CHID1: variants seen among roughly 807,000 people sequenced by gnomAD.
The protein encoded by CHID1 is chitinase domain-containing protein 1.
CHID1 carries 44 observed loss-of-function variants against 55.4 expected under a neutral mutation model. The observed-to-expected ratio is 0.79, with a 90% CI of 0.62 to 1.02. CHID1 has a LOEUF of 1.02. Among genes scored for constraint, CHID1 ranks in the 50% least tolerant of loss-of-function variants. The probability of loss-of-function intolerance (pLI) is 0.00; values close to 1 mark genes in which losing one functional copy is unlikely to be tolerated. For synonymous variants in CHID1, 216 were observed against 212.9 expected (o/e 1.01, Z -0.13); for missense variants, 491 against 515.3 (o/e 0.95, Z 0.46).
At chr11:914,604 C>A (rs375727500), upstream of CHID1, 35 of 1,283,080 alleles carry the variant, frequency 2.7e-5, no homozygotes, top group Non-Finnish European at 3.6e-5. Context: ...AGTGGTGGCT[C>A]ACGCCGTAAT....
intron 7 of CHID1, among the ~76,000 whole-genome samples, chr11:896,682 C>A (rs1851327241): frequency 2.3e-5 from 3 of 129,486 alleles, no homozygotes; most frequent in South Asian, 5.4e-4. Flanking sequence ...AGCCTCCACC[C>A]CAGACATGAG....
At chr11:886,603 G>C (rs1850415522) in intron 8 of CHID1, among the ~76,000 whole-genome samples, 1 of 152,216 alleles carries the variant, frequency 6.6e-6, no homozygotes, top group African/African-American at 2.4e-5. Context: ...CCCCATGGTG[G>C]AGTTAGTGTC....
intron 3 of CHID1, among the ~76,000 whole-genome samples, chr11:902,664 G>A (rs963203343): frequency 1.6e-5 from 2 of 121,368 alleles, no homozygotes; most frequent in Non-Finnish European, 4.0e-5. Context: ...CCCCTCCCTG[G>A]CCCAGGGTTG....
Position 883,387 on chromosome 11 carries a change from C to T in CHID1, c.804-84G>A. 2.2e-6 allele frequency: 3 copies of T among 1,347,018 alleles called. No homozygotes were observed. The South Asian group carries it at 4.0e-5, about 18-fold the overall frequency. The allele number at this position is 1,347,018 out of a possible 1,614,324, so 83.4% of individuals were successfully genotyped here. ...CATTGGGGCCCTCCACTGAGGGGTG[C>T]ATCCTCCCCATGCTGCGGCTGACAC... On this transcript the variant is annotated intron_variant, in intron 9 of 12. Coordinates refer to ENST00000323578, the MANE Select transcript of CHID1 (RefSeq NM_023947.4).
intron 8 of CHID1, among the ~76,000 whole-genome samples, chr11:889,312 T>A: frequency 6.7e-6 from 1 of 150,360 alleles, no homozygotes. Context: ...GTCCTGACAC[T>A]GGGCCCACGT....
intron 5 of CHID1, 23 bp from the exon 6 acceptor site, chr11:900,133 C>A (rs369722522): frequency 1.9e-6 from 3 of 1,584,646 alleles, no homozygotes; most frequent in East Asian, 2.2e-5. Flanking sequence ...CAGACACACA[C>A]GGGGGCCGTG....
rs755218054 is a variant in CHID1, at chr11:875,528, C to T, written c.960-5029G>A. On this transcript the variant is annotated intron_variant, in intron 10 of 12. Coordinates refer to ENST00000323578, the MANE Select transcript of CHID1 (RefSeq NM_023947.4). The surrounding 1 kb of genome is among the most constrained non-coding windows in gnomAD (Gnocchi z 4.7). ...CGGGTGTGGAGAAGACCTGGCTCCT[C>T]GTCACTGGCTATCGGAGAGCGCTGG... Among the ~76,000 whole-genome samples, 1 of 152,142 alleles carries T rather than the reference C, an allele frequency of 6.6e-6. No homozygotes were observed. Among genetic ancestry groups the T allele is most frequent in the Admixed American group, 6.6e-5 (1 of 15,264 alleles).
At chr11:883,750 A>G (rs987855115) in intron 9 of CHID1, among the ~76,000 whole-genome samples, 1 of 152,218 alleles carries the variant, frequency 6.6e-6, no homozygotes, top group Admixed American at 6.5e-5. Flanking sequence ...CGCCTGTGTC[A>G]CACGGCCCTC....
chr11:902,101 C>T (rs546900780), intron 4 of CHID1, 97 bp downstream of exon 4: 1 of 1,453,434 alleles, frequency 6.9e-7, no homozygotes, highest in African/African-American at 1.4e-5. Context: ...GAGACACCCA[C>T]AGAGACATAC....
chr11:899,178 A>G (rs1421344380), intron 7 of CHID1, among the ~76,000 whole-genome samples, 162 bp downstream of exon 7: 1 of 152,124 alleles, frequency 6.6e-6, no homozygotes, highest in East Asian at 1.9e-4. Flanking sequence ...GGCTGCTTCC[A>G]CTTCTCTGAG....
chr11:884,216 A>C lies in CHID1; in HGVS notation c.702-47T>G, dbSNP rs781567580. ...ACCTCAGGCTGCTATGCCCTGCCTGAAGCCCCTCCCCAGCTGCGGTTCGAG... is the reference window on the plus strand; with the variant it reads ...ACCTCAGGCTGCTATGCCCTGCCTGCAGCCCCTCCCCAGCTGCGGTTCGAG... On this transcript the variant is annotated intron_variant, in intron 8 of 12. Transcript: ENST00000323578. 1.8e-5 allele frequency: 27 copies of C among 1,491,334 alleles called. 1 individual carries two copies. The highest frequency in any genetic ancestry group is 6.9e-5 in the Admixed American group (4 of 58,232). 92.4% of individuals were successfully genotyped at this position (1,491,334 alleles called of 1,614,324 possible). A position where few individuals can be genotyped will look rare whatever the true frequency, so the allele number is the denominator to read the frequency against.
At chr11:890,462 C>T (rs953338961) in intron 8 of CHID1, among the ~76,000 whole-genome samples, 9 of 152,230 alleles carry the variant, frequency 5.9e-5, no homozygotes, top group Admixed American at 2.0e-4. Context: ...GTCGCGGCCC[C>T]GCCCACCTCA....
chr11:898,498 C>T (rs72847269), intron 7 of CHID1, among the ~76,000 whole-genome samples: 2,808 of 152,344 alleles, frequency 0.018, 32 homozygotes, highest in Non-Finnish European at 0.028. Flanking sequence ...TGAGAGGAGT[C>T]CACCTGTCCT....
intron 10 of CHID1, among the ~76,000 whole-genome samples, chr11:871,271 G>A (rs1010485835): frequency 5.3e-5 from 8 of 152,084 alleles, no homozygotes; most frequent in Non-Finnish European, 1.2e-4. Flanking sequence ...AATTACAGGC[G>A]TGAGCCACCG....
chr11:883,090 C>T, intron 10 of CHID1, 58 bp downstream of exon 10: 7 of 1,556,720 alleles, frequency 4.5e-6, no homozygotes, highest in Non-Finnish European at 6.1e-6. Context: ...CTCCTTACAC[C>T]CACACCCACC....
At chr11:903,500 G>A (rs375768674) in intron 2 of CHID1, among the ~76,000 whole-genome samples, 29 of 152,348 alleles carry the variant, frequency 1.9e-4, no homozygotes, top group Non-Finnish European at 2.5e-4. Flanking sequence ...TGCCAGGTGC[G>A]CTGGGTGCAT....
chr11:870,626 T>G (rs1849111551), intron 10 of CHID1, 127 bp from the exon 11 acceptor site: 1 of 675,186 alleles, frequency 1.5e-6, no homozygotes. Context: ...CCCAGTGGTC[T>G]GGGGGACAAC....
chr11:908,352 A>G (rs1213271959), intron 1 of CHID1: 3 of 153,372 alleles, frequency 2.0e-5, no homozygotes, highest in Non-Finnish European at 4.3e-5. Flanking sequence ...TGCCCCGATC[A>G]ACCTCTCCAG....
intron 10 of CHID1, among the ~76,000 whole-genome samples, chr11:882,003 C>CAA (rs773102032): frequency 0.011 from 610 of 55,332 alleles, 5 homozygotes; most frequent in African/African-American, 0.038. Flanking sequence ...GACCCTGTCT[C>CAA]AAAAAAAAAA....
Sources: gnomAD v4.1 joint callset for allele counts (sites outside exome capture counted in the v4.1 genomes callset) on GRCh38, gnomAD v4.1.1 for gene constraint, Gnocchi (gnomAD v3.1) non-coding constraint, MANE v1.5 for transcripts, NCBI Gene and HGNC (gene_info 2026-07-23, HGNC 2026-07-21) for gene names.